Variants in EVC observed in about 807,000 individuals in gnomAD.
EVC encodes evC complex member EVC.
A neutral mutation model predicts 118.9 loss-of-function variants in EVC; 116 were observed. That is an observed-to-expected ratio of 0.98 (90% CI 0.84 to 1.14). The LOEUF (loss-of-function observed/expected upper bound fraction) is 1.14. Ranked by LOEUF, EVC falls within the 50% of genes most tolerant of loss-of-function variation. EVC has a pLI of 0.00. For synonymous variants in EVC, 619 were observed against 534.7 expected (o/e 1.16, Z -2.18); for missense variants, 1,401 against 1,246.4 (o/e 1.12, Z -1.87).
At chr4:5,794,674 G>A (rs560396762) in intron 13 of EVC, among the ~76,000 whole-genome samples, 68 of 151,748 alleles carry the variant, frequency 4.5e-4, no homozygotes, top group Non-Finnish European at 7.9e-4. Flanking sequence ...GCCTTCCAAA[G>A]TGCTAGGATT....
chr4:5,785,528 T>C (rs1429149674), intron 12 of EVC, among the ~76,000 whole-genome samples: 1 of 152,242 alleles, frequency 6.6e-6, no homozygotes, highest in Non-Finnish European at 1.5e-5. Flanking sequence ...CTCACAGCTG[T>C]GGGGACAGGC....
At chr4:5,735,706 A>G (rs1727554435) in intron 5 of EVC, among the ~76,000 whole-genome samples, 1 of 152,200 alleles carries the variant, frequency 6.6e-6, no homozygotes, top group Non-Finnish European at 1.5e-5. Context: ...AAAGTCACAC[A>G]GCTGGTGATG....
intron 11 of EVC, among the ~76,000 whole-genome samples, chr4:5,769,890 C>T (rs1733679137): frequency 6.6e-6 from 1 of 152,126 alleles, no homozygotes; most frequent in Non-Finnish European, 1.5e-5. Flanking sequence ...CCCAAACCAC[C>T]TTCACTTCTT....
rs1369911732 is a variant in EVC at position 5,798,274 on chromosome 4, G to A, written c.2098-312G>A. ...TCTCTGAGCCTTCGTGTCCTCCTCA[G>A]TGCTAGTGTTCAGGTCTCATGATGT... On this transcript the variant is annotated intron_variant, in intron 14 of 20. Transcript: ENST00000264956. This position sits in a 1 kb window ranked among gnomAD's most constrained non-coding sequence, Gnocchi z 4.1. Among the ~76,000 whole-genome samples, 1 of 152,156 alleles carries A rather than the reference G, an allele frequency of 6.6e-6. No individual in the cohort carries two copies. Among genetic ancestry groups the A allele is most frequent in the African/African-American group, 2.4e-5 (1 of 41,432 alleles).
intron 1 of EVC, among the ~76,000 whole-genome samples, chr4:5,712,951 G>C (rs1372987468): frequency 6.6e-6 from 1 of 152,244 alleles, no homozygotes; most frequent in Non-Finnish European, 1.5e-5. Flanking sequence ...TGAGGCAGGG[G>C]ATGCTCTGCA....
chr4:5,811,235 G>T lies in EVC; in HGVS notation c.*198G>T. 1.7e-6 allele frequency: 1 copy of T among 575,314 alleles called. No homozygotes were observed. 35.6% of individuals were successfully genotyped at this position (575,314 alleles called of 1,614,324 possible). Reference sequence around the variant, plus strand: ...TCACCTGAGAAAATTAGGCATTCCCGTCTTGGAAACACGTCTCTGTGAGTT... The same window carrying T: ...TCACCTGAGAAAATTAGGCATTCCCTTCTTGGAAACACGTCTCTGTGAGTT... On this transcript the variant is annotated 3_prime_UTR_variant, in exon 21 of 21. Coordinates refer to ENST00000264956, the MANE Select transcript of EVC (RefSeq NM_153717.3).
At chr4:5,808,132 T>TCCCCC in intron 17 of EVC, 69 bp from the exon 18 acceptor site, 13 of 464,744 alleles carry the variant, frequency 2.8e-5, no homozygotes, top group South Asian at 5.4e-5. Flanking sequence ...GCCTTCCTTC[T>TCCCCC]CCCTCCCTCC....
chr4:5,756,271 A>C lies in EVC; in HGVS notation c.1472A>C (p.His491Pro), dbSNP rs763914751. ...CTCTTGTTTTCCTCACAGGCTTTTC[A>C]TGAGGTCCTGGAGAGGCAGAGGCTG... The part of the protein sequence containing the change: ...ADPEKFLEAF[H>P]EVLERQRLMQ... Residue 491 changes from histidine to proline, a missense_variant, in exon 11 of 21, where the codon CAT becomes CCT. By Grantham distance (77) the His-to-Pro change is moderately conservative. Transcript: ENST00000264956. The surrounding 1 kb of genome is among the most constrained non-coding windows in gnomAD (Gnocchi z 4.2). 2 of 1,611,800 alleles carry C rather than the reference A, an allele frequency of 1.2e-6. No homozygotes were observed. Among genetic ancestry groups the C allele is most frequent in the Non-Finnish European group, 1.7e-6 (2 of 1,179,354 alleles).
intron 11 of EVC, among the ~76,000 whole-genome samples, chr4:5,767,767 G>A (rs1733171337): frequency 3.3e-5 from 5 of 152,162 alleles, no homozygotes; most frequent in Admixed American, 3.3e-4. Flanking sequence ...GCTAGCACAT[G>A]GTGCGCTGCA....
chr4:5,729,078 A>G (rs1238506186), intron 2 of EVC, among the ~76,000 whole-genome samples: 1 of 151,806 alleles, frequency 6.6e-6, no homozygotes, highest in Non-Finnish European at 1.5e-5. Flanking sequence ...CCATCTGCCC[A>G]CCCACCCATT....
chr4:5,758,239 C>T, intron 11 of EVC: 1 of 650,292 alleles, frequency 1.5e-6, no homozygotes, highest in Non-Finnish European at 2.7e-6. Flanking sequence ...GGGGGCGAGG[C>T]TCTGCCAACA....
At position 5,813,571 on chromosome 4, in the gene EVC, GC is replaced by G. The variant is rs1341691091; in HGVS notation, c.*2536del. 6.6e-6 allele frequency: 1 copy of G among 152,188 alleles called. No homozygotes were observed. The highest frequency in any genetic ancestry group is 1.5e-5 in the Non-Finnish European group (1 of 68,050). The allele number at this position is 152,188 out of a possible 1,614,324, so 9.4% of individuals were successfully genotyped here. ...GAGTCCGATGGCTCCTCCCGGGGAA[GC>G]CTGATTTTGTGACGTGTGTATAGTA... On this transcript the variant is annotated 3_prime_UTR_variant, in exon 21 of 21. Coordinates refer to ENST00000264956, the MANE Select transcript of EVC (RefSeq NM_153717.3).
At chr4:5,787,282 A>T (rs1711854071) in intron 12 of EVC, among the ~76,000 whole-genome samples, 1 of 152,222 alleles carries the variant, frequency 6.6e-6, no homozygotes, top group South Asian at 2.1e-4. Flanking sequence ...AAAACCCGTG[A>T]ATATGTCTGG....
At position 5,745,665 on chromosome 4, in the gene EVC, G is replaced by A. The variant is rs148516087; in HGVS notation, c.939+324G>A. 1.4e-3 allele frequency among the ~76,000 whole-genome samples: 211 copies of A among 152,332 alleles called. 4 individuals are homozygous for A. In the East Asian group the frequency reaches 0.034, roughly 24 times the overall value. On this transcript the variant is annotated intron_variant, in intron 7 of 20. Transcript: ENST00000264956. ...CTTTGGAATAGAGTAGAAGAAAGCTGCTAGGCATCACTCGTGAAAGCAAGT... is the reference window on the plus strand; with the variant it reads ...CTTTGGAATAGAGTAGAAGAAAGCTACTAGGCATCACTCGTGAAAGCAAGT...
At chr4:5,794,636 C>A (rs925346130) in intron 13 of EVC, among the ~76,000 whole-genome samples, 3 of 151,878 alleles carry the variant, frequency 2.0e-5, no homozygotes, top group African/African-American at 7.3e-5. Flanking sequence ...GTCTCAAACT[C>A]CTAACCTCAA....
intron 18 of EVC, 81 bp downstream of exon 18, chr4:5,808,408 C>A (rs531406332): frequency 1.3e-6 from 2 of 1,596,556 alleles, no homozygotes; most frequent in African/African-American, 2.7e-5. Context: ...TGTGACCACA[C>A]GTCAGCCATG....
At position 5,810,368 on chromosome 4, in the gene EVC, C is replaced by A. The variant is rs747715305; in HGVS notation, c.2812C>A (p.Pro938Thr). 8 of 1,613,804 alleles carry A rather than the reference C, an allele frequency of 5.0e-6. No individual in the cohort carries two copies. Among genetic ancestry groups the A allele is most frequent in the South Asian group, 1.1e-5 (1 of 90,946 alleles). The stretch of plus-strand genomic sequence containing the variant: ...GCCCCTAAGGACTAAAAGGAAGAAG[C>A]CCCTGCCCCAGGAAAGAGGGGACCT... Reference protein sequence around the residue: ...EKPLRTKRKKPLPQERGDLGV... With the variant: ...EKPLRTKRKKTLPQERGDLGV... The change falls in exon 20 of 21, where the codon CCC becomes ACC. Residue 938 changes from proline to threonine, a missense_variant. By Grantham distance (38) the Pro-to-Thr change is conservative (BLOSUM62 -1). Transcript: ENST00000264956.
intron 11 of EVC, among the ~76,000 whole-genome samples, chr4:5,779,889 G>T (rs1735314759): frequency 6.8e-6 from 1 of 147,744 alleles, no homozygotes; most frequent in Non-Finnish European, 1.5e-5. Flanking sequence ...TTGAATAGGA[G>T]TGGTGAGAGA....
intron 3 of EVC, among the ~76,000 whole-genome samples, chr4:5,730,918 CAT>C: frequency 1.1e-5 from 1 of 89,558 alleles, no homozygotes; most frequent in Non-Finnish European, 2.4e-5. Flanking sequence ...GCGTGGTGTG[CAT>C]GGTGTGCATG....
Sources: gnomAD v4.1 joint callset for allele counts (sites outside exome capture counted in the v4.1 genomes callset) on GRCh38, gnomAD v4.1.1 for gene constraint, Gnocchi (gnomAD v3.1) non-coding constraint, MANE v1.5 for transcripts, NCBI Gene and HGNC (gene_info 2026-07-23, HGNC 2026-07-21) for gene names.